Variants in ARRB1 observed in about 807,000 individuals in gnomAD.
The protein encoded by ARRB1 is beta-arrestin-1.
In ARRB1, 21 loss-of-function variants were observed where a neutral mutation model predicts 56.8. The ratio of observed to expected loss-of-function variants is 0.37; its 90% confidence interval spans 0.26 to 0.53. The LOEUF is 0.53. Ranked by LOEUF, ARRB1 falls within the 20% of genes least tolerant of loss-of-function variation. The pLI is 0.88. For synonymous variants in ARRB1, 210 were observed against 218.6 expected (o/e 0.96, Z 0.35); for missense variants, 424 against 553.7 (o/e 0.77, Z 2.35).
intron 1 of ARRB1, among the ~76,000 whole-genome samples, chr11:75,313,029 G>T (rs1947194408): frequency 6.6e-6 from 1 of 152,200 alleles, no homozygotes; most frequent in South Asian, 2.1e-4. Context: ...CCATTCTGCG[G>T]ACCAGGAAAC....
chr11:75,305,428 A>G (rs1565129802), intron 1 of ARRB1, among the ~76,000 whole-genome samples: 1 of 152,144 alleles, frequency 6.6e-6, no homozygotes, highest in South Asian at 2.1e-4. Flanking sequence ...TATGCCTACT[A>G]TACCTGTATG....
At chr11:75,348,593 G>T (rs1407223500) in intron 1 of ARRB1, among the ~76,000 whole-genome samples, 1 of 151,956 alleles carries the variant, frequency 6.6e-6, no homozygotes, top group Non-Finnish European at 1.5e-5. Context: ...GTCCTGTCCA[G>T]GTATTTTTTT....
At chr11:75,300,841 G>A (rs1218392922) in intron 1 of ARRB1, among the ~76,000 whole-genome samples, 4 of 150,986 alleles carry the variant, frequency 2.6e-5, no homozygotes, top group Admixed American at 6.6e-5. Context: ...GGTGGCGGGC[G>A]CCTGTAGTCC....
intron 1 of ARRB1, among the ~76,000 whole-genome samples, chr11:75,324,900 A>C (rs1370708956): frequency 1.3e-5 from 2 of 152,066 alleles, no homozygotes; most frequent in African/African-American, 2.4e-5. Flanking sequence ...CCCTGGGAGA[A>C]ACCTCTGGGA....
Position 75,329,997 on chromosome 11 carries a change from T to C in ARRB1, c.20+21591A>G, listed in dbSNP as rs114679753. Among the ~76,000 whole-genome samples the C allele has an allele frequency of 6.8e-3, 1,023 of 150,574 alleles. 6 individuals carry two copies. The highest frequency in any genetic ancestry group is 0.024 in the African/African-American group (968 of 40,976). Reference sequence around the variant, plus strand: ...CCTGAATGACAAGACTGAGACCCTGTCTCTAAAAAAAAAAAAAGTCACTAC... The same window carrying C: ...CCTGAATGACAAGACTGAGACCCTGCCTCTAAAAAAAAAAAAAGTCACTAC... On this transcript the variant is annotated intron_variant, in intron 1 of 15. Transcript: ENST00000420843.
chr11:75,340,151 G>T (rs1307998518), intron 1 of ARRB1, among the ~76,000 whole-genome samples: 3 of 152,240 alleles, frequency 2.0e-5, no homozygotes, highest in Non-Finnish European at 4.4e-5. Context: ...CTAGCTATTT[G>T]TTCCTCTGGC....
intron 1 of ARRB1, among the ~76,000 whole-genome samples, chr11:75,347,060 G>C (rs1479139387): frequency 6.6e-6 from 1 of 152,258 alleles, no homozygotes; most frequent in East Asian, 1.9e-4. Flanking sequence ...CTGTTCTACT[G>C]CCACCAACCC....
Position 75,281,154 on chromosome 11 carries a change from G to A in ARRB1, c.415-12C>T, listed in dbSNP as rs778242382. ...TCCACACCGCAAGCCTGTGGGGAAG[G>A]GGTCACTGACCACAGGGCCTTGGAG... is the stretch of plus-strand genomic sequence containing the variant. On this transcript the variant is annotated splice_polypyrimidine_tract_variant and intron_variant, in intron 6 of 15. Transcript: ENST00000420843. The A allele has an allele frequency of 1.8e-5, 28 of 1,589,858 alleles. No individual in the cohort carries two copies. In the African/African-American group the frequency reaches 1.9e-4, roughly 11 times the overall value.
intron 1 of ARRB1, among the ~76,000 whole-genome samples, chr11:75,323,188 C>T (rs757241774): frequency 2.0e-5 from 3 of 152,242 alleles, no homozygotes; most frequent in Non-Finnish European, 4.4e-5. Context: ...GCCAGAACTG[C>T]CCAGCGGAGC....
At chr11:75,320,470 G>T (rs149819755) in intron 1 of ARRB1, among the ~76,000 whole-genome samples, 1,819 of 152,352 alleles carry the variant, frequency 0.012, 14 homozygotes, top group Middle Eastern at 0.02. Flanking sequence ...AAGGGCGGGT[G>T]GCTGGATGGT....
intron 1 of ARRB1, among the ~76,000 whole-genome samples, chr11:75,299,254 A>G (rs1302764614): frequency 1.3e-5 from 2 of 151,768 alleles, no homozygotes; most frequent in Non-Finnish European, 2.9e-5. Context: ...AAAAACAACT[A>G]AAAAAAGACA....
rs942290205 is a variant in ARRB1, at chr11:75,343,589, A to C, written c.20+7999T>G. ...TACTACCCTATTTTACAGATAAGGGAGCCACAGCAGAGAAAGGGTTAAGTA... is the reference window on the plus strand; with the variant it reads ...TACTACCCTATTTTACAGATAAGGGCGCCACAGCAGAGAAAGGGTTAAGTA... On this transcript the variant is annotated intron_variant, in intron 1 of 15. Coordinates refer to ENST00000420843, the MANE Select transcript of ARRB1 (RefSeq NM_004041.5). Among the ~76,000 whole-genome samples, 4 of 152,262 alleles carry C rather than the reference A, an allele frequency of 2.6e-5. No homozygotes were observed. In the East Asian group the frequency reaches 7.7e-4, roughly 29 times the overall value.
At chr11:75,274,636 A>G (rs899434998) in intron 10 of ARRB1, 1 of 158,040 alleles carries the variant, frequency 6.3e-6, no homozygotes, top group East Asian at 1.8e-4. Flanking sequence ...CTAAAAATAC[A>G]AAAAAATTAG....
intron 1 of ARRB1, among the ~76,000 whole-genome samples, chr11:75,330,758 C>T (rs1947508044): frequency 6.6e-6 from 1 of 152,116 alleles, no homozygotes; most frequent in Non-Finnish European, 1.5e-5. Flanking sequence ...CCCGGCTGAG[C>T]ACTTGCTTTA....
chr11:75,341,110 T>C (rs1420526161), intron 1 of ARRB1, among the ~76,000 whole-genome samples: 2 of 151,832 alleles, frequency 1.3e-5, no homozygotes, highest in Non-Finnish European at 2.9e-5. Flanking sequence ...GGAGCTGAGA[T>C]CCACCCTCAG....
intron 3 of ARRB1, 146 bp downstream of exon 3, chr11:75,287,169 G>C: frequency 1.3e-6 from 1 of 774,208 alleles, no homozygotes; most frequent in Non-Finnish European, 2.0e-6. Context: ...GAAAGTAGCT[G>C]CTCAGTAAAT....
rs111799534 is a variant in ARRB1 at position 75,348,199 on chromosome 11, G to C, written c.20+3389C>G. Among the ~76,000 whole-genome samples, 381 of 152,286 alleles carry C rather than the reference G, an allele frequency of 2.5e-3. 1 individual carries two copies. The highest frequency in any genetic ancestry group is 8.5e-3 in the African/African-American group (352 of 41,550). On this transcript the variant is annotated intron_variant, in intron 1 of 15. Transcript: ENST00000420843. ...CCCCAGCCCAGGCCCCAGGCTGCAC[G>C]CCTTGCTTCCTGCCTCCAAGCCACT...
At chr11:75,307,874 G>A (rs190018967) in intron 1 of ARRB1, among the ~76,000 whole-genome samples, 1 of 152,286 alleles carries the variant, frequency 6.6e-6, no homozygotes, top group East Asian at 1.9e-4. Context: ...GAGGATCCCA[G>A]GACAGGCCAT....
chr11:75,271,907 A>C (rs572257591), intron 12 of ARRB1, among the ~76,000 whole-genome samples, 183 bp from the exon 13 acceptor site: 1 of 152,170 alleles, frequency 6.6e-6, no homozygotes, highest in African/African-American at 2.4e-5. Context: ...AAATGGCATT[A>C]GCCCTGCCCC....
Sources: gnomAD v4.1 joint callset for allele counts (sites outside exome capture counted in the v4.1 genomes callset) on GRCh38, gnomAD v4.1.1 for gene constraint, MANE v1.5 for transcripts, NCBI Gene and HGNC (gene_info 2026-07-23, HGNC 2026-07-21) for gene names.